Variants in UGT2A3 observed in about 807,000 individuals in gnomAD.
UGT2A3 encodes UDP-glucuronosyltransferase 2A3.
Under a neutral mutation model 44.1 loss-of-function variants are expected in UGT2A3, and 55 were observed. The observed-to-expected ratio is 1.25, with a 90% CI of 1.00 to 1.56. The LOEUF is 1.56. Ranked by LOEUF, UGT2A3 falls within the 40% of genes most tolerant of loss-of-function variation. The probability of loss-of-function intolerance (pLI) is 0.00; values close to 1 mark genes in which losing one functional copy is unlikely to be tolerated. For missense variants in UGT2A3, 733 were observed against 621.6 expected (o/e 1.18, Z -1.91); for synonymous variants, 243 against 215.1 (o/e 1.13, Z -1.13).
chr4:68,930,634 C>T lies in UGT2A3; in HGVS notation c.1216G>A (p.Ala406Thr), dbSNP rs1275788795. 1.2e-6 allele frequency: 2 copies of T among 1,613,454 alleles called. No individual in the cohort carries two copies. Among genetic ancestry groups the T allele is most frequent in the Non-Finnish European group, 1.7e-6 (2 of 1,179,694 alleles). ...DQLDNIAHMKAKGAAVEINFK... is the reference protein window; with the variant it reads ...DQLDNIAHMKTKGAAVEINFK... The stretch of plus-strand genomic sequence containing the variant: ...TTTATTTCTACAGCTGCTCCTTTGG[C>T]CTTCATGTGAGCTATGTTATCAAGC... The change falls in exon 5 of 6, where the codon GCC (alanine) becomes ACC (threonine). Residue 406 changes from alanine (A) to threonine (T), a missense_variant. By Grantham distance (58) the Ala-to-Thr change is moderately conservative. Transcript: ENST00000251566.
At chr4:68,930,156 A>G in intron 5 of UGT2A3, 64 bp from the exon 6 acceptor site, 1 of 1,491,686 alleles carries the variant, frequency 6.7e-7, no homozygotes, top group Non-Finnish European at 9.1e-7. Context: ...AAAGACAGGT[A>G]GATAAACCGT....
At chr4:68,934,887 TA>T (rs781441831) in intron 2 of UGT2A3, among the ~76,000 whole-genome samples, 1 of 150,936 alleles carries the variant, frequency 6.6e-6, no homozygotes, top group Non-Finnish European at 1.5e-5. Flanking sequence ...TAAGGATTCT[TA>T]AAAAAAAGGA....
At chr4:68,947,540 A>T (rs535734654) in intron 1 of UGT2A3, among the ~76,000 whole-genome samples, 1 of 151,870 alleles carries the variant, frequency 6.6e-6, no homozygotes, top group East Asian at 2.0e-4. Context: ...ACTCTTGTTA[A>T]TGTTAATATG....
intron 2 of UGT2A3, among the ~76,000 whole-genome samples, chr4:68,934,964 T>C (rs1391708822): frequency 2.0e-5 from 3 of 151,312 alleles, no homozygotes. Context: ...TGCCAATAAA[T>C]GGAAAAATCT....
Position 68,930,772 on chromosome 4 carries a change from T to A in UGT2A3, c.1085-7A>T, listed in dbSNP as rs113651693. On this transcript the variant is annotated splice_polypyrimidine_tract_variant and splice_region_variant and intron_variant, in intron 4 of 5. Coordinates refer to ENST00000251566, the MANE Select transcript of UGT2A3 (RefSeq NM_024743.4). ...GCTTTGGTTTTGGGATGACCTAGTA[T>A]GTAAATTGGATGAGAAATGGTGAGA... The A allele has an allele frequency of 6.4e-7, 1 of 1,564,562 alleles. No individual in the cohort carries two copies.
intron 2 of UGT2A3, among the ~76,000 whole-genome samples, chr4:68,934,393 C>G (rs917633239): frequency 6.6e-6 from 1 of 151,632 alleles, no homozygotes; most frequent in Non-Finnish European, 1.5e-5. Flanking sequence ...ATTAGGAAAA[C>G]AAGATATTTA....
chr4:68,936,359 G>C (rs554107984), intron 2 of UGT2A3, among the ~76,000 whole-genome samples: 24 of 152,072 alleles, frequency 1.6e-4, no homozygotes, highest in Non-Finnish European at 3.2e-4. Context: ...ACAAACAGTG[G>C]ATCTCTCAGC....
intron 2 of UGT2A3, among the ~76,000 whole-genome samples, chr4:68,936,553 C>G (rs919647936): frequency 6.6e-6 from 1 of 151,826 alleles, no homozygotes; most frequent in Non-Finnish European, 1.5e-5. Context: ...CAAGAGCTCC[C>G]GAAGGAAGCA....
intron 1 of UGT2A3, among the ~76,000 whole-genome samples, chr4:68,946,672 A>C (rs528869446): frequency 6.6e-6 from 1 of 151,838 alleles, no homozygotes; most frequent in East Asian, 1.9e-4. Context: ...GATAAAGATG[A>C]TCAAAGGAAA....
chr4:68,943,267 G>A (rs1222907202), intron 2 of UGT2A3: 2 of 1,182,384 alleles, frequency 1.7e-6, no homozygotes, highest in East Asian at 1.3e-4. Context: ...AGGGTAGAAT[G>A]GCATGGGAGA....
At chr4:68,941,929 A>G (rs554054699) in intron 2 of UGT2A3, among the ~76,000 whole-genome samples, 3 of 152,048 alleles carry the variant, frequency 2.0e-5, no homozygotes, top group African/African-American at 7.2e-5. Flanking sequence ...CAAAACTACA[A>G]TGAGATATCA....
At chr4:68,930,268 G>A (rs1329323078) in intron 5 of UGT2A3, among the ~76,000 whole-genome samples, 176 bp from the exon 6 acceptor site, 1 of 152,070 alleles carries the variant, frequency 6.6e-6, no homozygotes, top group Non-Finnish European at 1.5e-5. Context: ...ATAGTGGAGA[G>A]ACTGAAAGAG....
intron 1 of UGT2A3, among the ~76,000 whole-genome samples, chr4:68,946,621 G>A (rs1208346203): frequency 2.6e-5 from 4 of 151,454 alleles, no homozygotes. Context: ...TTAAACAATT[G>A]GAGTCATTCA....
chr4:68,931,375 G>A (rs10021528), intron 3 of UGT2A3, 133 bp from the exon 4 acceptor site: 18,212 of 598,470 alleles, frequency 0.03, 1,558 homozygotes, highest in African/African-American at 0.23. Context: ...TAGAGCTACC[G>A]CGTAAAGACT....
At chr4:68,935,244 C>G (rs923482685) in intron 2 of UGT2A3, among the ~76,000 whole-genome samples, 22 of 135,844 alleles carry the variant, frequency 1.6e-4, no homozygotes, top group African/African-American at 5.6e-4. Flanking sequence ...TGATCCCACA[C>G]CAGACAAGGA....
chr4:68,951,230 A>C lies in UGT2A3; in HGVS notation c.531T>G (p.Asn177Lys), dbSNP rs1718575636. 6.2e-7 allele frequency: 1 copy of C among 1,611,786 alleles called. No homozygotes were observed. Among genetic ancestry groups the C allele is most frequent in the Non-Finnish European group, 8.5e-7 (1 of 1,178,942 alleles). Reference sequence around the variant, plus strand: ...GAAGTTTCCCACAGCTTCGCTCCATATTGCCTCCTACAGAAATTCTAAGTG... The same window carrying C: ...GAAGTTTCCCACAGCTTCGCTCCATCTTGCCTCCTACAGAAATTCTAAGTG... ...VLTLRISVGG[N>K]MERSCGKLPA... The change falls in exon 1 of 6, where the codon AAT becomes AAG. Residue 177 changes from asparagine to lysine, a missense_variant. Asn to Lys is a moderately conservative substitution (Grantham distance 94). Coordinates refer to ENST00000251566, the MANE Select transcript of UGT2A3 (RefSeq NM_024743.4).
intron 2 of UGT2A3, among the ~76,000 whole-genome samples, chr4:68,940,623 C>T (rs890639778): frequency 6.6e-6 from 1 of 151,350 alleles, no homozygotes; most frequent in African/African-American, 2.4e-5. Flanking sequence ...TGCAGCAAAC[C>T]AAAATGGCAC....
chr4:68,932,957 T>C (rs1246332630), intron 2 of UGT2A3, among the ~76,000 whole-genome samples, 198 bp from the exon 3 acceptor site: 1 of 151,996 alleles, frequency 6.6e-6, no homozygotes, highest in Non-Finnish European at 1.5e-5. Flanking sequence ...AAATATGTAA[T>C]CATTCATACT....
chr4:68,945,494 C>G (rs1418829280), intron 1 of UGT2A3, 40 bp from the exon 2 acceptor site: 2 of 1,499,324 alleles, frequency 1.3e-6, no homozygotes, highest in East Asian at 4.8e-5. Flanking sequence ...GCATACAATT[C>G]AAATAAAAAA....
Sources: allele counts gnomAD v4.1 joint callset (sites outside exome capture counted in the v4.1 genomes callset), GRCh38; gene constraint gnomAD v4.1.1; transcripts MANE v1.5; gene names NCBI Gene and HGNC (gene_info 2026-07-23, HGNC 2026-07-21).